The following ZNF541 variants were observed in gnomAD, a reference collection of about 807,000 sequenced individuals.
ZNF541 encodes the protein zinc finger protein 541.
Under a neutral mutation model 123.5 loss-of-function variants are expected in ZNF541, and 23 were observed. The ratio of observed to expected loss-of-function variants is 0.19; its 90% CI spans 0.13 to 0.26. The LOEUF is 0.26. Among genes scored for constraint, ZNF541 ranks in the 10% least tolerant of loss-of-function variants. ZNF541 has a pLI of 1.00. For synonymous variants in ZNF541, 751 were observed against 754.5 expected, an observed-to-expected ratio of 1.00 and a Z score of 0.08; for missense variants, 1,612 against 1,789.9, an observed-to-expected ratio of 0.90 and a Z score of 1.79.
chr19:47,535,923 A>G (rs1969797580), intron 9 of ZNF541, among the ~76,000 whole-genome samples: 1 of 152,192 alleles, frequency 6.6e-6, no homozygotes, highest in Non-Finnish European at 1.5e-5. Context: ...CACAGCTTTC[A>G]GAGCTAAGAG....
Position 47,545,140 on chromosome 19 carries a change from G to T in ZNF541, c.1389C>A (p.Gly463=), listed in dbSNP as rs534788310. ...SGSPSEESPP[G]PGGGLEDALP... ...GAGCATCCTCCAGGCCACCGCCGGG[G>T]CCGGGCGGGGACTCCTCCGAGGGGC... The change falls in exon 5 of 17, where the codon GGC becomes GGA. Residue 463 remains glycine (G), a synonymous_variant. Coordinates refer to ENST00000391901, the MANE Select transcript of ZNF541 (RefSeq NM_001277075.3). This position sits in a 1 kb window ranked among gnomAD's most constrained non-coding sequence, Gnocchi z 7.5. 358 of 1,483,230 alleles carry T rather than the reference G, an allele frequency of 2.4e-4. No homozygotes were observed. In the African/African-American group the frequency reaches 4.4e-3, roughly 18 times the overall value. 91.9% of individuals were successfully genotyped at this position (1,483,230 alleles called of 1,614,324 possible).
At chr19:47,551,726 G>A (rs929849773) in intron 3 of ZNF541, among the ~76,000 whole-genome samples, 3 of 151,968 alleles carry the variant, frequency 2.0e-5, no homozygotes, top group African/African-American at 7.3e-5. Context: ...TAGAGATGGG[G>A]TCTCACTATG....
At position 47,539,705 on chromosome 19, in the gene ZNF541, C is replaced by G; in HGVS notation, c.2796G>C (p.Met932Ile). The change falls in exon 8 of 17, where the codon ATG (methionine) becomes ATC (isoleucine). Residue 932 changes from methionine (M) to isoleucine (I), a missense_variant and splice_region_variant. Physicochemically the swap from Met to Ile is conservative, Grantham distance 10. This residue lies in a region of ZNF541 where 1,080 missense variants were observed against 1,013.8 expected (regional missense o/e 1.07). Coordinates refer to ENST00000391901, the MANE Select transcript of ZNF541 (RefSeq NM_001277075.3). ...AGGAGGCAGGCCGACAAGCACCCAC[C>G]ATGGCCATGCTCCCTATGTGTCGGG... is the stretch of plus-strand genomic sequence containing the variant. ...PVTRHIGSMAMGQEKDGEERD... is the reference protein window; with the variant it reads ...PVTRHIGSMAIGQEKDGEERD... 1 of 1,405,884 alleles carries G rather than the reference C, an allele frequency of 7.1e-7. No homozygotes were observed. Among genetic ancestry groups the G allele is most frequent in the Non-Finnish European group, 9.2e-7 (1 of 1,081,428 alleles). 87.1% of individuals were successfully genotyped at this position (1,405,884 alleles called of 1,614,324 possible). A position where few individuals can be genotyped will look rare whatever the true frequency, so the allele number is the denominator to read the frequency against.
At chr19:47,558,729 A>C (rs909503540) in intron 2 of ZNF541, among the ~76,000 whole-genome samples, 44 of 147,576 alleles carry the variant, frequency 3.0e-4, no homozygotes, top group Non-Finnish European at 5.7e-4. Flanking sequence ...ACAGGTGCCC[A>C]CCACCACGCC....
intron 14 of ZNF541, among the ~76,000 whole-genome samples, chr19:47,523,670 T>G (rs183071080): frequency 6.6e-6 from 1 of 152,138 alleles, no homozygotes; most frequent in African/African-American, 2.4e-5. Flanking sequence ...CAAAGGGCAG[T>G]GAACCCTGAC....
chr19:47,564,440 C>T (rs1486815902), intron 2 of ZNF541, among the ~76,000 whole-genome samples: 4 of 152,180 alleles, frequency 2.6e-5, no homozygotes, highest in Non-Finnish European at 4.4e-5. Flanking sequence ...CTTCTAGGTA[C>T]AAAACTCTCT....
At chr19:47,565,385 ACTAC>A (rs1456183296) in intron 2 of ZNF541, among the ~76,000 whole-genome samples, 5 of 152,226 alleles carry the variant, frequency 3.3e-5, no homozygotes, top group African/African-American at 7.2e-5. Context: ...GTAACCGAGT[ACTAC>A]CATGTGGTTT....
chr19:47,552,017 C>T (rs1373355831), intron 3 of ZNF541, among the ~76,000 whole-genome samples: 1 of 151,940 alleles, frequency 6.6e-6, no homozygotes, highest in Non-Finnish European at 1.5e-5. Flanking sequence ...GCCACCATGC[C>T]AGGCTAATTC....
At position 47,539,691 on chromosome 19, in the gene ZNF541, C is replaced by A; in HGVS notation, c.2796+14G>T. On this transcript the variant is annotated intron_variant, in intron 8 of 16. Transcript: ENST00000391901. ...GGGCAGTGGCAGGAAGGAGGCAGGC[C>A]GACAAGCACCCACCATGGCCATGCT... 7.2e-7 allele frequency: 1 copy of A among 1,384,350 alleles called. No individual in the cohort carries two copies. Among genetic ancestry groups the A allele is most frequent in the Non-Finnish European group, 9.3e-7 (1 of 1,069,912 alleles). 85.8% of individuals were successfully genotyped at this position (1,384,350 alleles called of 1,614,324 possible).
At position 47,526,496 on chromosome 19, in the gene ZNF541, A is replaced by AAAAAAG. The variant is rs573697191; in HGVS notation, c.3570+2453_3570+2454insCTTTTT. On this transcript the variant is annotated intron_variant, in intron 14 of 16. Transcript: ENST00000391901. ...GACTCCATCTCAAAAAAAAAAAAAA[A>AAAAAAG]AAAAGAAAACACAGACATCTCAATA... 6.1e-3 allele frequency among the ~76,000 whole-genome samples: 833 copies of AAAAAAG among 137,330 alleles called. 52 individuals are homozygous for AAAAAAG. Among genetic ancestry groups the AAAAAAG allele is most frequent in the African/African-American group, 0.018 (612 of 33,558 alleles). 90.1% of individuals were successfully genotyped at this position (137,330 alleles called of 152,430 possible). A position where few individuals can be genotyped will look rare whatever the true frequency, so the allele number is the denominator to read the frequency against.
chr19:47,523,326 C>T (rs1273444874), intron 14 of ZNF541, among the ~76,000 whole-genome samples: 3 of 127,180 alleles, frequency 2.4e-5, no homozygotes, highest in African/African-American at 3.4e-5. Flanking sequence ...CCGCGCCCGG[C>T]GAGCGTCTCT....
rs1051638378 is a variant in ZNF541 at position 47,529,619 on chromosome 19, G to T, written c.3439C>A (p.His1147Asn). ...ALETLLLRGP[H>N]KPRTHLLADY... ...GCGAGCAGGTGTGTCCGTGGCTTGTGGGGCCCTCGGAGCAGAAGAGTCTCC... is the reference window on the plus strand; with the variant it reads ...GCGAGCAGGTGTGTCCGTGGCTTGTTGGGCCCTCGGAGCAGAAGAGTCTCC... The change falls in exon 13 of 17, where the codon CAC (histidine) becomes AAC (asparagine). Residue 1147 changes from histidine (H) to asparagine (N), a missense_variant. Around this residue, in one of 5 missense-constraint regions of ZNF541, gnomAD observed 285 missense variants for 407.3 expected, o/e 0.70. Transcript: ENST00000391901. 6.4e-7 allele frequency: 1 copy of T among 1,551,678 alleles called. No individual in the cohort carries two copies. The highest frequency in any genetic ancestry group is 8.7e-7 in the Non-Finnish European group (1 of 1,146,986).
At chr19:47,542,224 G>A (rs1157059172) in intron 5 of ZNF541, among the ~76,000 whole-genome samples, 1 of 152,120 alleles carries the variant, frequency 6.6e-6, no homozygotes, top group Non-Finnish European at 1.5e-5. Flanking sequence ...GCCAGGCCCT[G>A]GGGGGAGGGC....
At chr19:47,568,564 G>A (rs934210130) in intron 2 of ZNF541, among the ~76,000 whole-genome samples, 4 of 150,250 alleles carry the variant, frequency 2.7e-5, no homozygotes, top group African/African-American at 7.4e-5. Context: ...GGCTGGCCTC[G>A]ACCTCCTGCC....
In ZNF541 at chr19:47,532,005, C is replaced by G. The variant is rs1006962194; in HGVS notation, c.3301+123G>C. ...AACGCTGGCCAAGAGCCAGCTCCCT[C>G]CCACGCCCAGGGGACACTACTTGGA... On this transcript the variant is annotated intron_variant, in intron 11 of 16. Coordinates refer to ENST00000391901, the MANE Select transcript of ZNF541 (RefSeq NM_001277075.3). The G allele has an allele frequency of 1.2e-5, 16 of 1,338,712 alleles. No individual in the cohort carries two copies. In the African/African-American group the frequency reaches 2.4e-4, roughly 20 times the overall value. The allele number at this position is 1,338,712 out of a possible 1,614,324, so 82.9% of individuals were successfully genotyped here.
chr19:47,527,368 A>G (rs1263367776), intron 14 of ZNF541, among the ~76,000 whole-genome samples: 2 of 152,188 alleles, frequency 1.3e-5, no homozygotes, highest in Non-Finnish European at 2.9e-5. Context: ...AATAAGCAGC[A>G]GGACATTATA....
chr19:47,522,380 C>T (rs1969078085), intron 14 of ZNF541, among the ~76,000 whole-genome samples: 1 of 152,194 alleles, frequency 6.6e-6, no homozygotes, highest in Non-Finnish European at 1.5e-5. Flanking sequence ...CCTCTAAAGT[C>T]TTGGCAGGAA....
rs924876569 is a variant in ZNF541, at chr19:47,531,242, G to A, written c.3405+400C>T. On this transcript the variant is annotated intron_variant, in intron 12 of 16. Coordinates refer to ENST00000391901, the MANE Select transcript of ZNF541 (RefSeq NM_001277075.3). ...ACCCAGAATTGTGAGCGGGGGGGGG[G>A]GGGGGGGTCCTTGGAGTAGGTAGAG... Among the ~76,000 whole-genome samples, 9 of 147,084 alleles carry A rather than the reference G, an allele frequency of 6.1e-5. 2 individuals are homozygous for A. In the East Asian group the frequency reaches 1.6e-3, roughly 26 times the overall value.
intron 9 of ZNF541, among the ~76,000 whole-genome samples, chr19:47,535,520 C>T (rs900784374): frequency 1.3e-5 from 2 of 152,122 alleles, no homozygotes; most frequent in Non-Finnish European, 2.9e-5. Context: ...GTGGCCCAGC[C>T]ATTTTGGAAA....
Sources: allele counts gnomAD v4.1 joint callset (sites outside exome capture counted in the v4.1 genomes callset), GRCh38; gene constraint gnomAD v4.1.1; regional missense constraint gnomAD v4.1.1; non-coding constraint Gnocchi (gnomAD v3.1); transcripts MANE v1.5; gene names NCBI Gene and HGNC (gene_info 2026-07-23, HGNC 2026-07-21).